COL24A1: variants seen among roughly 807,000 people sequenced by gnomAD.
The protein encoded by COL24A1 is collagen type XXIV alpha 1 chain.
COL24A1 carries 224 observed loss-of-function variants against 253.9 expected under a neutral mutation model. That is an observed-to-expected ratio of 0.88 (90% CI 0.79 to 0.99). COL24A1 has a LOEUF of 0.99. Among genes scored for constraint, COL24A1 ranks in the 50% least tolerant of loss-of-function variants. The pLI is 0.00. For missense variants in COL24A1, 2,131 were observed against 2,068.5 expected (o/e 1.03, Z -0.59); for synonymous variants, 685 against 673.7 (o/e 1.02, Z -0.26).
intron 37 of COL24A1, among the ~76,000 whole-genome samples, chr1:85,850,085 T>C (rs1442724383): frequency 6.6e-6 from 1 of 152,172 alleles, no homozygotes; most frequent in Non-Finnish European, 1.5e-5. Flanking sequence ...ATATTTTCAT[T>C]TCAATTTGTC....
intron 32 of COL24A1, among the ~76,000 whole-genome samples, chr1:85,881,135 G>C (rs1681786679): frequency 6.6e-6 from 1 of 152,116 alleles, no homozygotes; most frequent in South Asian, 2.1e-4. Context: ...TAAATGTTTA[G>C]TTGAATTCAC....
chr1:86,050,233 T>G (rs1700208539), intron 10 of COL24A1, 56 bp from the exon 11 acceptor site: 3 of 1,461,890 alleles, frequency 2.1e-6, no homozygotes, highest in Middle Eastern at 1.7e-4. Context: ...TCCCCATAAG[T>G]GATTCTGAAT....
At chr1:85,841,342 A>C in intron 41 of COL24A1, 64 bp from the exon 42 acceptor site, 1 of 1,127,918 alleles carries the variant, frequency 8.9e-7, no homozygotes, top group Non-Finnish European at 1.3e-6. Flanking sequence ...AAAACACACA[A>C]CCTACTATTT....
intron 14 of COL24A1, among the ~76,000 whole-genome samples, chr1:86,031,221 C>T (rs1385855580): frequency 2.0e-5 from 3 of 151,826 alleles, no homozygotes; most frequent in African/African-American, 7.3e-5. Context: ...CATGTTCTCA[C>T]AAATATGTGG....
chr1:85,936,233 C>G (rs1401923691), intron 24 of COL24A1, among the ~76,000 whole-genome samples: 4 of 147,286 alleles, frequency 2.7e-5, no homozygotes, highest in Non-Finnish European at 6.0e-5. Context: ...TTTTGAACTG[C>G]TAGTCTCTGA....
intron 20 of COL24A1, among the ~76,000 whole-genome samples, chr1:85,984,257 G>A (rs935109588): frequency 1.3e-4 from 19 of 151,888 alleles, no homozygotes; most frequent in African/African-American, 4.6e-4. Flanking sequence ...AGTATGATAT[G>A]CACACTTAAA....
chr1:86,146,140 C>A lies in COL24A1; in HGVS notation c.100G>T (p.Val34Phe), dbSNP rs569544178. 1.9e-6 allele frequency: 3 copies of A among 1,611,132 alleles called. No homozygotes were observed. Among genetic ancestry groups the A allele is most frequent in the Non-Finnish European group, 2.5e-6 (3 of 1,178,576 alleles). ...TTACCTTGTTCTTGTGCATGAACAA[C>A]CACCCCAGCCACACATAGTACAATA... is the stretch of plus-strand genomic sequence containing the variant. ...HFIVLCVAGV[V>F]VHAQEQGIDI... The change falls in exon 2 of 60, where the codon GTT (valine) becomes TTT (phenylalanine). Residue 34 changes from valine (V) to phenylalanine (F), a missense_variant. Transcript: ENST00000370571.
intron 2 of COL24A1, among the ~76,000 whole-genome samples, chr1:86,141,142 C>T (rs1414602): frequency 0.92 from 139,911 of 152,246 alleles, 65,461 homozygotes; most frequent in Non-Finnish European, 1. Context: ...GAAAAGCACA[C>T]GAAGAAATTA....
chr1:86,122,361 C>G (rs6690880), intron 3 of COL24A1, among the ~76,000 whole-genome samples: 20,564 of 151,932 alleles, frequency 0.14, 1,556 homozygotes, highest in East Asian at 0.29. Context: ...AACCAAAAAG[C>G]AAACATCCCC....
chr1:85,828,834 G>T lies in COL24A1; in HGVS notation c.3682-5096C>A, dbSNP rs1260854540. Among the ~76,000 whole-genome samples, 6 of 146,788 alleles carry T rather than the reference G, an allele frequency of 4.1e-5. No individual in the cohort carries two copies. The Admixed American group carries it at 4.2e-4, about 10-fold the overall frequency. On this transcript the variant is annotated intron_variant, in intron 43 of 59. Transcript: ENST00000370571. The stretch of plus-strand genomic sequence containing the variant: ...ATGTGTGTCTCTGCACATGAGATGG[G>T]TTTCCTGAATACAGCACACTGATGG...
intron 7 of COL24A1, among the ~76,000 whole-genome samples, chr1:86,084,609 A>T (rs1442810040): frequency 6.6e-6 from 1 of 152,260 alleles, no homozygotes; most frequent in African/African-American, 2.4e-5. Context: ...AATCACAGAT[A>T]ACAGCTTATT....
intron 22 of COL24A1, among the ~76,000 whole-genome samples, chr1:85,969,316 G>A (rs1013376062): frequency 2.6e-5 from 4 of 151,950 alleles, no homozygotes; most frequent in Non-Finnish European, 4.4e-5. Flanking sequence ...TTAAGAACCA[G>A]TACTTTGGCC....
chr1:85,832,442 GT>G (rs1373706840), intron 43 of COL24A1, among the ~76,000 whole-genome samples: 1 of 151,748 alleles, frequency 6.6e-6, no homozygotes, highest in Admixed American at 6.6e-5. Context: ...CTTTAAAGTA[GT>G]TTTTTCCAAT....
chr1:85,785,028 G>C (rs918841706), intron 48 of COL24A1, among the ~76,000 whole-genome samples: 2 of 152,090 alleles, frequency 1.3e-5, no homozygotes, highest in Admixed American at 1.3e-4. Context: ...ACTGTGCCTG[G>C]CCAGAACTTG....
At chr1:85,854,061 TCCCTAAGTTCTC>T (rs1162038193) in intron 37 of COL24A1, among the ~76,000 whole-genome samples, 1 of 152,210 alleles carries the variant, frequency 6.6e-6, no homozygotes, top group Non-Finnish European at 1.5e-5. Context: ...AGAATAGTAT[TCCCTAAGTTCTC>T]TTCTAAGGTT....
intron 31 of COL24A1, among the ~76,000 whole-genome samples, chr1:85,893,671 A>C (rs1683366583): frequency 6.6e-6 from 1 of 152,188 alleles, no homozygotes; most frequent in Admixed American, 6.5e-5. Flanking sequence ...ATATACTTTT[A>C]CTAGTTATCT....
In COL24A1 at chr1:85,744,921, T is replaced by C. The variant is rs147122734; in HGVS notation, c.4504-87A>G. 825 of 1,020,602 alleles carry C rather than the reference T, an allele frequency of 8.1e-4. 11 individuals are homozygous for C. The East Asian group carries it at 0.02, about 24-fold the overall frequency. 63.2% of individuals were successfully genotyped at this position (1,020,602 alleles called of 1,614,324 possible). A position where few individuals can be genotyped will look rare whatever the true frequency, so the allele number is the denominator to read the frequency against. The stretch of plus-strand genomic sequence containing the variant: ...GCAGGAGAAGAATGTGTTTCCATTA[T>C]GTGTAGTAAGTTGTGAGTAGAATGT... On this transcript the variant is annotated intron_variant, in intron 56 of 59. Coordinates refer to ENST00000370571, the MANE Select transcript of COL24A1 (RefSeq NM_152890.7).
Position 85,895,887 on chromosome 1 carries a change from G to T in COL24A1, c.2893C>A (p.Pro965Thr). Reference sequence around the variant, plus strand: ...TTCCCTTGAAATCCTCTTTCTCCAGGGTTTCCAGTCTTACCCTACATGAGA... The same window carrying T: ...TTCCCTTGAAATCCTCTTTCTCCAGTGTTTCCAGTCTTACCCTACATGAGA... ...PHGLIGKTGN[P>T]GERGFQGKPG... The change falls in exon 31 of 60, where the codon CCT becomes ACT. Residue 965 changes from proline to threonine, a missense_variant. Coordinates refer to ENST00000370571, the MANE Select transcript of COL24A1 (RefSeq NM_152890.7). 6.2e-7 allele frequency: 1 copy of T among 1,608,966 alleles called. No individual in the cohort carries two copies. The highest frequency in any genetic ancestry group is 8.5e-7 in the Non-Finnish European group (1 of 1,178,652).
chr1:85,735,090 GC>G, intron 58 of COL24A1, 126 bp from the exon 59 acceptor site: 1 of 769,662 alleles, frequency 1.3e-6, no homozygotes, highest in Non-Finnish European at 2.1e-6. Context: ...GAACTGAAGT[GC>G]CAGTCAGTGG....
Sources: gnomAD v4.1 joint callset for allele counts (sites outside exome capture counted in the v4.1 genomes callset) on GRCh38, gnomAD v4.1.1 for gene constraint, MANE v1.5 for transcripts, NCBI Gene and HGNC (gene_info 2026-07-23, HGNC 2026-07-21) for gene names.